Variants in HACD4 observed in about 807,000 individuals in gnomAD.
HACD4 encodes very-long-chain (3R)-3-hydroxyacyl-CoA dehydratase 4.
In HACD4, 35 loss-of-function variants were observed where a neutral mutation model predicts 33.3. That is an observed-to-expected ratio of 1.05 (90% CI 0.80 to 1.39). The LOEUF is 1.39. Ranked by LOEUF, HACD4 falls within the 40% of genes most tolerant of loss-of-function variation. The probability of loss-of-function intolerance (pLI) is 0.00; values close to 1 mark genes in which losing one functional copy is unlikely to be tolerated. For missense variants in HACD4, 323 were observed against 276.5 expected, an observed-to-expected ratio of 1.17 and a Z score of -1.19; for synonymous variants, 118 against 98.0, an observed-to-expected ratio of 1.20 and a Z score of -1.21.
rs1247772530 is a variant in HACD4 at position 21,000,625 on chromosome 9, A to G, written c.*6412T>C. On this transcript the variant is annotated 3_prime_UTR_variant, in exon 7 of 7. Coordinates refer to ENST00000495827, the MANE Select transcript of HACD4 (RefSeq NM_001010915.5). ...CCCTGGAGAACCATGTCATATCAAC[A>G]TTAGCATATAACTCAGACCGAGAAG... is the stretch of plus-strand genomic sequence containing the variant. 2 of 152,178 alleles carry G rather than the reference A, an allele frequency of 1.3e-5. No individual in the cohort carries two copies. The highest frequency in any genetic ancestry group is 2.9e-5 in the Non-Finnish European group (2 of 68,006). The allele number at this position is 152,178 out of a possible 1,614,324, so 9.4% of individuals were successfully genotyped here.
intron 5 of HACD4, among the ~76,000 whole-genome samples, chr9:21,010,088 T>C (rs1378356685): frequency 1.3e-5 from 2 of 152,226 alleles, no homozygotes; most frequent in Non-Finnish European, 2.9e-5. Flanking sequence ...AACTGGCTTT[T>C]ATATACTTTG....
chr9:21,027,433 C>T (rs954415413), intron 2 of HACD4, among the ~76,000 whole-genome samples: 3 of 152,104 alleles, frequency 2.0e-5, no homozygotes, highest in Non-Finnish European at 4.4e-5. Context: ...TTTAGAAACT[C>T]GTAGGGAAGA....
intron 2 of HACD4, among the ~76,000 whole-genome samples, chr9:21,027,351 G>T (rs959514889): frequency 2.6e-5 from 4 of 152,158 alleles, no homozygotes; most frequent in Non-Finnish European, 5.9e-5. Flanking sequence ...GAGCTGAAAT[G>T]GAAGGGAAAC....
At position 21,005,907 on chromosome 9, in the gene HACD4, C is replaced by G. The variant is rs1444187986; in HGVS notation, c.*1130G>C. The G allele has an allele frequency of 1.3e-5, 2 of 152,186 alleles. No individual in the cohort carries two copies. The highest frequency in any genetic ancestry group is 4.8e-5 in the African/African-American group (2 of 41,424). The allele number at this position is 152,186 out of a possible 1,614,324, so 9.4% of individuals were successfully genotyped here. On this transcript the variant is annotated 3_prime_UTR_variant, in exon 7 of 7. Coordinates refer to ENST00000495827, the MANE Select transcript of HACD4 (RefSeq NM_001010915.5). This position sits in a 1 kb window ranked among gnomAD's most constrained non-coding sequence, Gnocchi z 4.0. ...ATAGGAATGTCCACCCTTTGTGTGT[C>G]CCACCATTGTACTGTGGAAGCACAT...
intron 3 of HACD4, 152 bp from the exon 4 acceptor site, chr9:21,016,162 A>G: frequency 1.9e-6 from 1 of 527,090 alleles, no homozygotes; most frequent in South Asian, 2.9e-5. Context: ...CTGAGAGAGT[A>G]GGGTTATGGC....
chr9:21,014,657 T>C (rs1842514332), intron 4 of HACD4, among the ~76,000 whole-genome samples: 1 of 152,204 alleles, frequency 6.6e-6, no homozygotes, highest in African/African-American at 2.4e-5. Context: ...TCTTTGGATA[T>C]ACTAAAACTC....
rs1024000734 is a variant in HACD4, at chr9:21,000,189, C to T, written c.*6848G>A. On this transcript the variant is annotated 3_prime_UTR_variant, in exon 7 of 7. Transcript: ENST00000495827. ...CTAATTGACTTTCATATGGAATTAACTAACCTTATTTTAGATGAGATTTAA... is the reference window on the plus strand; with the variant it reads ...CTAATTGACTTTCATATGGAATTAATTAACCTTATTTTAGATGAGATTTAA... 7 of 152,138 alleles carry T rather than the reference C, an allele frequency of 4.6e-5. No individual in the cohort carries two copies. The highest frequency in any genetic ancestry group is 1.7e-4 in the African/African-American group (7 of 41,448). 9.4% of individuals were successfully genotyped at this position (152,138 alleles called of 1,614,324 possible).
At chr9:21,025,604 A>T (rs1008717091) in intron 3 of HACD4, among the ~76,000 whole-genome samples, 1 of 152,192 alleles carries the variant, frequency 6.6e-6, no homozygotes, top group Non-Finnish European at 1.5e-5. Flanking sequence ...TTACTGTCCC[A>T]TAAGAAAGGG....
chr9:21,000,333 G>A lies in HACD4; in HGVS notation c.*6704C>T, dbSNP rs981257069. On this transcript the variant is annotated 3_prime_UTR_variant, in exon 7 of 7. Coordinates refer to ENST00000495827, the MANE Select transcript of HACD4 (RefSeq NM_001010915.5). The stretch of plus-strand genomic sequence containing the variant: ...AGCCATAAAAAATCATCCCTGTTCT[G>A]AAAACATTGGTGGCTTTTATATAAG... 2.6e-5 allele frequency: 4 copies of A among 152,144 alleles called. No homozygotes were observed. The highest frequency in any genetic ancestry group is 6.5e-5 in the Admixed American group (1 of 15,270). The allele number at this position is 152,144 out of a possible 1,614,324, so 9.4% of individuals were successfully genotyped here. A position where few individuals can be genotyped will look rare whatever the true frequency, so the allele number is the denominator to read the frequency against.
In HACD4 at chr9:21,004,234, T is replaced by G. The variant is rs930184325; in HGVS notation, c.*2803A>C. 1 of 152,234 alleles carries G rather than the reference T, an allele frequency of 6.6e-6. No individual in the cohort carries two copies. The highest frequency in any genetic ancestry group is 1.5e-5 in the Non-Finnish European group (1 of 68,062). The allele number at this position is 152,234 out of a possible 1,614,324, so 9.4% of individuals were successfully genotyped here. ...GTTGGCCAGGCTGGTCTTGAACTCCTGACCTCAACTGATCTGCCCACCTCA... is the reference window on the plus strand; with the variant it reads ...GTTGGCCAGGCTGGTCTTGAACTCCGGACCTCAACTGATCTGCCCACCTCA... On this transcript the variant is annotated 3_prime_UTR_variant, in exon 7 of 7. Transcript: ENST00000495827. The surrounding 1 kb of genome is among the most constrained non-coding windows in gnomAD (Gnocchi z 4.6).
At chr9:21,018,174 A>G (rs1817811071) in intron 3 of HACD4, among the ~76,000 whole-genome samples, 1 of 152,240 alleles carries the variant, frequency 6.6e-6, no homozygotes, top group East Asian at 1.9e-4. Flanking sequence ...AAATTTAGGC[A>G]GAGATGTTCT....
intron 4 of HACD4, among the ~76,000 whole-genome samples, chr9:21,014,783 T>G (rs1842517202): frequency 6.6e-6 from 1 of 152,208 alleles, no homozygotes; most frequent in Non-Finnish European, 1.5e-5. Flanking sequence ...AGCAAGTAAG[T>G]AGTGGAGGTG....
rs1285400590 is a variant in HACD4 at position 21,031,578 on chromosome 9, C to A, written c.13G>T (p.Ala5Ser). ...CTGGGCTGCAGCCAGGCGGGCAGCG[C>A]CAAGGGCCCCATGGGCCGCCGCCGC... Reference protein sequence around the residue: MGPLALPAWLQPRYR... With the variant: MGPLSLPAWLQPRYR... The change falls in exon 1 of 7, where the codon GCG becomes TCG. Residue 5 changes from alanine to serine, a missense_variant. By Grantham distance (99) the Ala-to-Ser change is moderately conservative. Coordinates refer to ENST00000495827, the MANE Select transcript of HACD4 (RefSeq NM_001010915.5). 2 of 1,447,430 alleles carry A rather than the reference C, an allele frequency of 1.4e-6. No individual in the cohort carries two copies. Among genetic ancestry groups the A allele is most frequent in the Admixed American group, 5.3e-5 (2 of 37,720 alleles). 89.7% of individuals were successfully genotyped at this position (1,447,430 alleles called of 1,614,324 possible). A position where few individuals can be genotyped will look rare whatever the true frequency, so the allele number is the denominator to read the frequency against.
chr9:21,031,543 A>G lies in HACD4; in HGVS notation c.38+10T>C. The G allele has an allele frequency of 6.8e-7, 1 of 1,464,144 alleles. No individual in the cohort carries two copies. The allele number at this position is 1,464,144 out of a possible 1,614,324, so 90.7% of individuals were successfully genotyped here. A position where few individuals can be genotyped will look rare whatever the true frequency, so the allele number is the denominator to read the frequency against. On this transcript the variant is annotated intron_variant, in intron 1 of 6. Transcript: ENST00000495827. ...GCCCCCTCCCCTCGGGATTCGGCCG[A>G]GCGCCCTACCTGGGCTGCAGCCAGG...
chr9:21,015,898 C>G lies in HACD4; in HGVS notation c.383G>C (p.Arg128Thr). 1 of 1,600,518 alleles carries G rather than the reference C, an allele frequency of 6.2e-7. No homozygotes were observed. The highest frequency in any genetic ancestry group is 8.6e-7 in the Non-Finnish European group (1 of 1,168,306). ...TTAAGAGATTATTTTGCCTTCTTAC[C>G]TAACCATATCCAATAGATTCCAAAA... ...FVFWNLLDMVRYTYSMLSVIG... is the reference protein window; with the variant it reads ...FVFWNLLDMVTYTYSMLSVIG... Residue 128 changes from arginine to threonine, a missense_variant and splice_region_variant, in exon 4 of 7, where the codon AGG (arginine) becomes ACG (threonine). Transcript: ENST00000495827.
intron 3 of HACD4, among the ~76,000 whole-genome samples, chr9:21,020,402 T>C (rs915321084): frequency 6.6e-6 from 1 of 152,178 alleles, no homozygotes; most frequent in African/African-American, 2.4e-5. Context: ...TTTTCCCCTC[T>C]TCTTGAGTTG....
At chr9:21,015,180 A>G (rs1193375372) in intron 4 of HACD4, 1 of 152,266 alleles carries the variant, frequency 6.6e-6, no homozygotes, top group African/African-American at 2.4e-5. Flanking sequence ...TATTGACAAT[A>G]TAATGAAAAA....
At chr9:21,026,822 T>C (rs1818074556) in intron 2 of HACD4, 99 bp from the exon 3 acceptor site, 6 of 927,332 alleles carry the variant, frequency 6.5e-6, no homozygotes, top group Non-Finnish European at 1.0e-5. Flanking sequence ...ATTATTCACT[T>C]CCTTTTTCAT....
chr9:21,009,733 C>G (rs1002203228), intron 5 of HACD4, among the ~76,000 whole-genome samples: 9 of 152,076 alleles, frequency 5.9e-5, no homozygotes, highest in African/African-American at 2.2e-4. Context: ...GCACAGTCAC[C>G]CTGCTGTGCA....
Sources: gnomAD v4.1 joint callset for allele counts (sites outside exome capture counted in the v4.1 genomes callset) on GRCh38, gnomAD v4.1.1 for gene constraint, Gnocchi (gnomAD v3.1) non-coding constraint, MANE v1.5 for transcripts, NCBI Gene and HGNC (gene_info 2026-07-23, HGNC 2026-07-21) for gene names.